Variants in MYO3B observed in about 807,000 individuals in gnomAD.
MYO3B encodes the protein myosin-IIIb.
Under a neutral mutation model 174.6 loss-of-function variants are expected in MYO3B, and 156 were observed. The ratio of observed to expected loss-of-function variants is 0.89; its 90% CI spans 0.78 to 1.02. The LOEUF (loss-of-function observed/expected upper bound fraction) is 1.02. Ranked by LOEUF, MYO3B falls within the 50% of genes least tolerant of loss-of-function variation. The pLI is 0.00. For missense variants in MYO3B, 1,632 were observed against 1,639.4 expected (o/e 1.00, Z 0.08); for synonymous variants, 563 against 569.1 (o/e 0.99, Z 0.15).
At chr2:170,588,944 A>G (rs1693653788) in intron 32 of MYO3B, among the ~76,000 whole-genome samples, 1 of 152,230 alleles carries the variant, frequency 6.6e-6, no homozygotes, top group Admixed American at 6.5e-5. Context: ...GCAAAAATCA[A>G]CAAGGCTGTG....
At chr2:170,341,204 G>A (rs2093974733) in intron 8 of MYO3B, 1 of 152,168 alleles carries the variant, frequency 6.6e-6, no homozygotes, top group Non-Finnish European at 1.5e-5. Context: ...TGGGGTGGTT[G>A]TTTGCTTGAC....
At chr2:170,581,633 G>C (rs1265494229) in intron 32 of MYO3B, among the ~76,000 whole-genome samples, 1 of 151,150 alleles carries the variant, frequency 6.6e-6, no homozygotes, top group Non-Finnish European at 1.5e-5. Context: ...TTTTATATAT[G>C]ATATATGGGA....
At chr2:170,416,659 T>C (rs1261395595) in intron 22 of MYO3B, among the ~76,000 whole-genome samples, 1 of 149,612 alleles carries the variant, frequency 6.7e-6, no homozygotes, top group East Asian at 1.9e-4. Context: ...CAAAATCCTA[T>C]GTGATCTGTC....
intron 7 of MYO3B, among the ~76,000 whole-genome samples, chr2:170,280,295 C>G (rs904543442): frequency 2.0e-5 from 3 of 151,838 alleles, no homozygotes; most frequent in Admixed American, 2.0e-4. Flanking sequence ...CCTTTGTCCA[C>G]TTTTTAGTGG....
In MYO3B at chr2:170,200,667, T is replaced by A. The variant is rs113711369; in HGVS notation, c.321+383T>A. On this transcript the variant is annotated intron_variant, in intron 3 of 34. Coordinates refer to ENST00000408978, the MANE Select transcript of MYO3B (RefSeq NM_138995.5). ...CAAGTTTGGATTTGCCCACTCATGT[T>A]CATTAGTCCTCATTTTAGATTGGGT... Among the ~76,000 whole-genome samples the A allele has an allele frequency of 1.3e-4, 20 of 152,304 alleles. 1 individual carries two copies. The Middle Eastern group carries it at 0.01, about 78-fold the overall frequency.
At chr2:170,420,461 T>C (rs2094607341) in intron 22 of MYO3B, among the ~76,000 whole-genome samples, 1 of 152,046 alleles carries the variant, frequency 6.6e-6, no homozygotes, top group Non-Finnish European at 1.5e-5. Context: ...CACAGAGCTT[T>C]TGCAGACCTG....
At chr2:170,446,892 C>T (rs2094846512) in intron 23 of MYO3B, among the ~76,000 whole-genome samples, 1 of 152,124 alleles carries the variant, frequency 6.6e-6, no homozygotes, top group African/African-American at 2.4e-5. Context: ...TTTTTGTGGT[C>T]AGTTGTACAG....
At chr2:170,471,666 C>T (rs752751312) in intron 25 of MYO3B, among the ~76,000 whole-genome samples, 20 of 152,122 alleles carry the variant, frequency 1.3e-4, no homozygotes, top group Non-Finnish European at 2.5e-4. Context: ...TTATTTCCTC[C>T]CATTGAATTG....
At chr2:170,609,451 A>G (rs1695007288) in intron 32 of MYO3B, among the ~76,000 whole-genome samples, 1 of 152,208 alleles carries the variant, frequency 6.6e-6, no homozygotes, top group African/African-American at 2.4e-5. Flanking sequence ...CTCTGTTGCT[A>G]ACAATCCCTA....
Position 170,501,093 on chromosome 2 carries a change from A to AG in MYO3B, c.3290-692_3290-691insG, listed in dbSNP as rs1559061869. The stretch of plus-strand genomic sequence containing the variant: ...TTGTGATGCTGAGACGGGAGGAACA[A>AG]AGACATTATGCTCCTCGTGGGTGGC... On this transcript the variant is annotated intron_variant, in intron 27 of 34. Coordinates refer to ENST00000408978, the MANE Select transcript of MYO3B (RefSeq NM_138995.5). Among the ~76,000 whole-genome samples the AG allele has an allele frequency of 2.7e-4, 41 of 151,940 alleles. 1 individual carries two copies. The highest frequency in any genetic ancestry group is 1.2e-3 in the East Asian group (6 of 5,160).
intron 30 of MYO3B, among the ~76,000 whole-genome samples, chr2:170,533,430 G>T (rs1249975384): frequency 6.7e-6 from 1 of 149,772 alleles, no homozygotes; most frequent in African/African-American, 2.4e-5. Flanking sequence ...GGGGGTGGGG[G>T]GGGGGTGTGC....
intron 32 of MYO3B, among the ~76,000 whole-genome samples, chr2:170,564,511 T>G (rs79959534): frequency 0.017 from 2,653 of 152,258 alleles, 67 homozygotes; most frequent in East Asian, 0.089. Flanking sequence ...GGCAAATATT[T>G]AAGTGTGTCT....
rs1699127761 is a variant in MYO3B at position 170,653,367 on chromosome 2, C to T, written c.*246C>T. On this transcript the variant is annotated 3_prime_UTR_variant, in exon 35 of 35. Transcript: ENST00000408978. ...TCTCATCCCATGGGGCCCTGTGGGA[C>T]ACTGAGAACACCTTTACAATAGTTT... The T allele has an allele frequency of 3.8e-6, 2 of 523,026 alleles. No homozygotes were observed. Among genetic ancestry groups the T allele is most frequent in the Non-Finnish European group, 6.8e-6 (2 of 294,346 alleles). The allele number at this position is 523,026 out of a possible 1,614,324, so 32.4% of individuals were successfully genotyped here. A position where few individuals can be genotyped will look rare whatever the true frequency, so the allele number is the denominator to read the frequency against.
At chr2:170,453,568 G>C (rs1343936795) in intron 23 of MYO3B, among the ~76,000 whole-genome samples, 3 of 151,904 alleles carry the variant, frequency 2.0e-5, no homozygotes, top group Non-Finnish European at 2.9e-5. Flanking sequence ...CCCTTTCTCT[G>C]CAACTTTCAG....
At chr2:170,599,496 C>T (rs998670918) in intron 32 of MYO3B, among the ~76,000 whole-genome samples, 4 of 152,100 alleles carry the variant, frequency 2.6e-5, no homozygotes, top group African/African-American at 9.7e-5. Flanking sequence ...GCCGTAATCC[C>T]AGCAATTTGG....
intron 8 of MYO3B, among the ~76,000 whole-genome samples, chr2:170,346,778 T>C (rs563153826): frequency 6.6e-6 from 1 of 152,272 alleles, no homozygotes; most frequent in Non-Finnish European, 1.5e-5. Flanking sequence ...GAGGAACAAA[T>C]TATAGAATGA....
chr2:170,242,452 C>A (rs1209481610), intron 7 of MYO3B, among the ~76,000 whole-genome samples: 2 of 152,180 alleles, frequency 1.3e-5, no homozygotes, highest in East Asian at 3.9e-4. Context: ...AGGCATCTGG[C>A]AGAAATGCCC....
intron 4 of MYO3B, 89 bp from the exon 5 acceptor site, chr2:170,214,638 CTT>C: frequency 7.4e-7 from 1 of 1,359,314 alleles, no homozygotes; most frequent in Non-Finnish European, 1.0e-6. Context: ...TTTCATGAGA[CTT>C]TTCAATAGTA....
chr2:170,386,164 C>T lies in MYO3B; in HGVS notation c.1291-25C>T, dbSNP rs550831561. ...TTGCTTCTGTGCTATAAATTCTTCA[C>T]TTGACGCTCCATTTTCTGTGCCAGT... is the stretch of plus-strand genomic sequence containing the variant. On this transcript the variant is annotated intron_variant, in intron 12 of 34. Transcript: ENST00000408978. The T allele has an allele frequency of 2.5e-6, 4 of 1,608,292 alleles. No homozygotes were observed. The Admixed American group carries it at 6.7e-5, about 27-fold the overall frequency.
Sources: allele counts gnomAD v4.1 joint callset (sites outside exome capture counted in the v4.1 genomes callset), GRCh38; gene constraint gnomAD v4.1.1; transcripts MANE v1.5; gene names NCBI Gene and HGNC (gene_info 2026-07-23, HGNC 2026-07-21).